ADI1: variants seen among roughly 807,000 people sequenced by gnomAD.
ADI1 encodes acireductone dioxygenase.
In ADI1, 21 loss-of-function variants were observed where a neutral mutation model predicts 18.7. That is an observed-to-expected ratio of 1.13 (90% CI 0.80 to 1.62). ADI1 has a LOEUF of 1.62. Among genes scored for constraint, ADI1 ranks in the 40% most tolerant of loss-of-function variants. The pLI is 0.00. For missense variants in ADI1, 245 were observed against 254.9 expected (o/e 0.96, Z 0.26); for synonymous variants, 90 against 100.1 (o/e 0.90, Z 0.60).
chr2:3,511,104 C>T (rs1667286159), intron 2 of ADI1, among the ~76,000 whole-genome samples: 1 of 152,222 alleles, frequency 6.6e-6, no homozygotes, highest in Non-Finnish European at 1.5e-5. Flanking sequence ...GCGCCACTCC[C>T]TTGGTGCTGT....
Position 3,519,395 on chromosome 2 carries a change from C to T in ADI1, c.93G>A (p.Leu31=). The part of the protein sequence containing the change: ...DPGRPVGLEQ[L]RRLGVLYWKL... ...TCCAGTAGAGCACCCCGAGCCGCCG[C>T]AGCTGCTCCAGGCCCACTGGGCGGC... Residue 31 remains leucine, a synonymous_variant, in exon 1 of 4, where the codon CTG becomes CTA. Coordinates refer to ENST00000327435, the MANE Select transcript of ADI1 (RefSeq NM_018269.4). The T allele has an allele frequency of 7.0e-7, 1 of 1,425,522 alleles. No individual in the cohort carries two copies. The allele number at this position is 1,425,522 out of a possible 1,614,324, so 88.3% of individuals were successfully genotyped here.
chr2:3,509,413 T>C (rs115996136), intron 2 of ADI1, among the ~76,000 whole-genome samples: 3,150 of 152,242 alleles, frequency 0.021, 115 homozygotes, highest in African/African-American at 0.068. Flanking sequence ...CCAAGACAGA[T>C]AACATTCTGG....
chr2:3,514,057 T>A (rs746482974), intron 1 of ADI1, 81 bp from the exon 2 acceptor site: 5 of 1,473,624 alleles, frequency 3.4e-6, no homozygotes, highest in Non-Finnish European at 4.5e-6. Context: ...ATCTCCAATA[T>A]GATTTTATAC....
At chr2:3,508,334 CAA>C (rs33977448) in intron 2 of ADI1, among the ~76,000 whole-genome samples, 106 of 26,892 alleles carry the variant, frequency 3.9e-3, no homozygotes, top group Admixed American at 7.0e-3. Context: ...GACTCTGTCT[CAA>C]AAAAAAAAAA....
rs1558423928 is a variant in ADI1, at chr2:3,500,536, TGTACCTGC to T, written c.420+270_420+277del. The stretch of plus-strand genomic sequence containing the variant: ...TCGTGGGTGTGTACCTGCCGCCGCA[TGTACCTGC>T]CGCCGCCTGTACCTGCCCCGCCTGG... On this transcript the variant is annotated intron_variant, in intron 3 of 3. Coordinates refer to ENST00000327435, the MANE Select transcript of ADI1 (RefSeq NM_018269.4). 4.7e-5 allele frequency: 17 copies of T among 364,014 alleles called. No homozygotes were observed. In the African/African-American group the frequency reaches 1.6e-3, roughly 34 times the overall value. 22.5% of individuals were successfully genotyped at this position (364,014 alleles called of 1,614,324 possible). A position where few individuals can be genotyped will look rare whatever the true frequency, so the allele number is the denominator to read the frequency against.
Position 3,508,801 on chromosome 2 carries a change from G to A in ADI1, c.240+5056C>T, listed in dbSNP as rs1036965589. Among the ~76,000 whole-genome samples, 6 of 152,124 alleles carry A rather than the reference G, an allele frequency of 3.9e-5. No individual in the cohort carries two copies. The South Asian group carries it at 1.2e-3, about 31-fold the overall frequency. On this transcript the variant is annotated intron_variant, in intron 2 of 3. Transcript: ENST00000327435. ...CACCTGTAGTCCCAGCTACCTGGGA[G>A]GCTGAGATGGGAGGATCACTTGAGC...
intron 3 of ADI1, chr2:3,500,480 C>A (rs964621427): frequency 4.5e-5 from 21 of 462,084 alleles, no homozygotes; most frequent in Non-Finnish European, 6.7e-5. Flanking sequence ...AGATGCCTCA[C>A]CGCCAAGCAA....
chr2:3,506,278 A>G (rs1000180619), intron 2 of ADI1, among the ~76,000 whole-genome samples: 5 of 152,234 alleles, frequency 3.3e-5, no homozygotes, highest in African/African-American at 1.2e-4. Flanking sequence ...CGCAGATGGT[A>G]TCACTGTCTA....
intron 2 of ADI1, among the ~76,000 whole-genome samples, chr2:3,501,794 C>G (rs985554713): frequency 6.6e-6 from 1 of 152,160 alleles, no homozygotes; most frequent in Non-Finnish European, 1.5e-5. Flanking sequence ...TCCCACAGTG[C>G]TGGGATTCCA....
intron 1 of ADI1, 170 bp downstream of exon 1, chr2:3,519,198 G>T: frequency 9.7e-7 from 1 of 1,033,276 alleles, no homozygotes; most frequent in Non-Finnish European, 1.3e-6. Context: ...AGCATGCGCA[G>T]CCCACCCCAG....
intron 1 of ADI1, among the ~76,000 whole-genome samples, chr2:3,518,202 G>A (rs529029503): frequency 7.2e-5 from 11 of 152,302 alleles, no homozygotes; most frequent in African/African-American, 2.2e-4. Context: ...TGCATGCCCT[G>A]TTTCGCACTG....
intron 2 of ADI1, among the ~76,000 whole-genome samples, chr2:3,509,947 C>T (rs1405427654): frequency 1.3e-5 from 2 of 151,918 alleles, no homozygotes; most frequent in Non-Finnish European, 2.9e-5. Flanking sequence ...AGTTTGAGAC[C>T]AGCCTGACCA....
intron 3 of ADI1, chr2:3,500,502 G>A (rs1666971571): frequency 7.1e-6 from 2 of 283,606 alleles, no homozygotes; most frequent in Non-Finnish European, 1.2e-5. Flanking sequence ...GGCTGGGGCA[G>A]GGCCAGGCTC....
At chr2:3,509,319 C>A (rs1486008214) in intron 2 of ADI1, among the ~76,000 whole-genome samples, 1 of 152,096 alleles carries the variant, frequency 6.6e-6, no homozygotes, top group Non-Finnish European at 1.5e-5. Flanking sequence ...TACCATCAAT[C>A]AACTGTTCTT....
At position 3,516,767 on chromosome 2, in the gene ADI1, T is replaced by C. The variant is rs1667418146; in HGVS notation, c.120+2601A>G. 7 of 985,272 alleles carry C rather than the reference T, an allele frequency of 7.1e-6. No homozygotes were observed. The South Asian group carries it at 1.9e-4, about 26-fold the overall frequency. 61.0% of individuals were successfully genotyped at this position (985,272 alleles called of 1,614,324 possible). On this transcript the variant is annotated intron_variant, in intron 1 of 3. Transcript: ENST00000327435. Reference sequence around the variant, plus strand: ...ATAATCTTCCAATTGTTTGTATGTATGACAAAAGGTTTTTTAGAACTCTAT... The same window carrying C: ...ATAATCTTCCAATTGTTTGTATGTACGACAAAAGGTTTTTTAGAACTCTAT...
At chr2:3,500,787 C>A in intron 3 of ADI1, 27 bp downstream of exon 3, 1 of 1,612,894 alleles carries the variant, frequency 6.2e-7, no homozygotes, top group Non-Finnish European at 8.5e-7. Context: ...ACAGGCCGGG[C>A]CTGGGGAGAA....
chr2:3,512,483 G>A (rs532957522), intron 2 of ADI1, among the ~76,000 whole-genome samples: 2 of 152,306 alleles, frequency 1.3e-5, no homozygotes, highest in South Asian at 2.1e-4. Context: ...CCAGCTGCTC[G>A]GGTTCTGCTA....
At chr2:3,516,762 A>T (rs1001587822) in intron 1 of ADI1, 145 of 985,212 alleles carry the variant, frequency 1.5e-4, no homozygotes, top group Non-Finnish European at 1.7e-4. Flanking sequence ...AATTGTTTGT[A>T]TGTATGACAA....
chr2:3,511,057 A>C (rs1238794632), intron 2 of ADI1, among the ~76,000 whole-genome samples: 1 of 152,202 alleles, frequency 6.6e-6, no homozygotes, highest in Non-Finnish European at 1.5e-5. Flanking sequence ...GTGGGAGGTG[A>C]CTGGATCACG....
Sources: allele counts gnomAD v4.1 joint callset (sites outside exome capture counted in the v4.1 genomes callset), GRCh38; gene constraint gnomAD v4.1.1; transcripts MANE v1.5; gene names NCBI Gene and HGNC (gene_info 2026-07-23, HGNC 2026-07-21).